The following STAM variants were observed in gnomAD, a reference collection of about 807,000 sequenced individuals.
STAM encodes the protein signal transducing adapter molecule 1.
A neutral mutation model predicts 63.4 loss-of-function variants in STAM; 16 were observed. The ratio of observed to expected loss-of-function variants is 0.25; its 90% CI spans 0.17 to 0.38. The LOEUF (loss-of-function observed/expected upper bound fraction) is 0.38, where lower values mean the gene tolerates loss of function less well. Ranked by LOEUF, STAM falls within the 10% of genes least tolerant of loss-of-function variation. STAM has a pLI of 1.00. For missense variants in STAM, 636 were observed against 657.1 expected (o/e 0.97, Z 0.35); for synonymous variants, 238 against 223.9 (o/e 1.06, Z -0.56).
At chr10:17,675,671 G>C (rs1403696492) in intron 2 of STAM, among the ~76,000 whole-genome samples, 1 of 152,156 alleles carries the variant, frequency 6.6e-6, no homozygotes, top group Non-Finnish European at 1.5e-5. Context: ...ACTTCATGAA[G>C]CAGGGTCAGT....
chr10:17,664,840 G>T (rs112940364), intron 2 of STAM, among the ~76,000 whole-genome samples: 2 of 152,072 alleles, frequency 1.3e-5, no homozygotes, highest in Non-Finnish European at 2.9e-5. Context: ...AAAGTGCGGC[G>T]ATCTTTTTAA....
chr10:17,684,591 C>A, intron 2 of STAM, 84 bp from the exon 3 acceptor site: 1 of 1,010,904 alleles, frequency 9.9e-7, no homozygotes, highest in Non-Finnish European at 1.4e-6. Context: ...CCCTTTTTAT[C>A]GTAGTCTTTT....
At chr10:17,649,880 T>G (rs1833669506) in intron 1 of STAM, among the ~76,000 whole-genome samples, 1 of 152,222 alleles carries the variant, frequency 6.6e-6, no homozygotes, top group Admixed American at 6.5e-5. Flanking sequence ...CCCAAAGTGC[T>G]GGGATTACCG....
intron 1 of STAM, among the ~76,000 whole-genome samples, chr10:17,657,319 T>C (rs1267014983): frequency 2.6e-5 from 4 of 152,184 alleles, no homozygotes; most frequent in Non-Finnish European, 5.9e-5. Flanking sequence ...ACATTCCTAG[T>C]GGGTGTGGGA....
chr10:17,708,612 T>C (rs2131695074), intron 12 of STAM, among the ~76,000 whole-genome samples, 164 bp from the exon 13 acceptor site: 1 of 152,364 alleles, frequency 6.6e-6, no homozygotes, highest in Admixed American at 6.5e-5. Context: ...GCCTATTTCA[T>C]TGAAAAGCGT....
intron 13 of STAM, among the ~76,000 whole-genome samples, chr10:17,713,766 T>C (rs1174109288): frequency 1.3e-5 from 2 of 152,118 alleles, no homozygotes; most frequent in Admixed American, 1.3e-4. Context: ...TGCAGTCAGC[T>C]ATCCTGGTCC....
intron 1 of STAM, among the ~76,000 whole-genome samples, chr10:17,654,445 A>G (rs1318329163): frequency 5.9e-5 from 9 of 152,006 alleles, no homozygotes; most frequent in Admixed American, 2.0e-4. Flanking sequence ...GATGGTCTCT[A>G]TCTCCTGACC....
chr10:17,707,139 G>A (rs111883150), intron 12 of STAM, among the ~76,000 whole-genome samples: 35 of 152,202 alleles, frequency 2.3e-4, no homozygotes, highest in African/African-American at 8.2e-4. Flanking sequence ...GCCGGGTGCG[G>A]TGGCTCATAC....
chr10:17,666,561 AT>A (rs1220417089), intron 2 of STAM, among the ~76,000 whole-genome samples: 4 of 150,454 alleles, frequency 2.7e-5, no homozygotes, highest in Non-Finnish European at 4.4e-5. Context: ...TGCCCAGCTA[AT>A]TTTTTTTTGT....
At chr10:17,664,867 A>G (rs1350427614) in intron 2 of STAM, among the ~76,000 whole-genome samples, 1 of 152,144 alleles carries the variant, frequency 6.6e-6, no homozygotes, top group Non-Finnish European at 1.5e-5. Flanking sequence ...AGATTCAGAG[A>G]TGGTGGAAGG....
intron 2 of STAM, among the ~76,000 whole-genome samples, chr10:17,680,379 A>G (rs12049670): frequency 0.13 from 20,060 of 151,330 alleles, 1,534 homozygotes; most frequent in East Asian, 0.26. Flanking sequence ...CCCCCTGGCA[A>G]CCACCATTCT....
At chr10:17,713,548 C>G (rs1166078899) in intron 13 of STAM, among the ~76,000 whole-genome samples, 1 of 151,442 alleles carries the variant, frequency 6.6e-6, no homozygotes, top group South Asian at 2.1e-4. Context: ...TCATAGTATT[C>G]TGAAAATCAG....
At position 17,663,399 on chromosome 10, in the gene STAM, T is replaced by C. The variant is rs375437972; in HGVS notation, c.125+2851T>C. Among the ~76,000 whole-genome samples the C allele has an allele frequency of 2.8e-4, 43 of 152,272 alleles. No homozygotes were observed. The East Asian group carries it at 7.5e-3, about 27-fold the overall frequency. Reference sequence around the variant, plus strand: ...ACATACTTTCTCTCAGTATATTCCTTAATATTTGAATTGTCAGTTGGGGAT... The same window carrying C: ...ACATACTTTCTCTCAGTATATTCCTCAATATTTGAATTGTCAGTTGGGGAT... On this transcript the variant is annotated intron_variant, in intron 2 of 13. Coordinates refer to ENST00000377524, the MANE Select transcript of STAM (RefSeq NM_003473.4).
chr10:17,654,265 C>G (rs1257716703), intron 1 of STAM, among the ~76,000 whole-genome samples: 3 of 151,980 alleles, frequency 2.0e-5, no homozygotes, highest in Admixed American at 6.6e-5. Context: ...CTCTGTCACC[C>G]AGGCTGGAGT....
chr10:17,686,293 G>C (rs1006939464), intron 4 of STAM, among the ~76,000 whole-genome samples: 7 of 151,786 alleles, frequency 4.6e-5, no homozygotes, highest in Non-Finnish European at 8.8e-5. Context: ...TTCCAAAAAC[G>C]ACTTCCTATA....
chr10:17,665,394 C>T (rs567008809), intron 2 of STAM, among the ~76,000 whole-genome samples: 1 of 152,220 alleles, frequency 6.6e-6, no homozygotes, highest in Admixed American at 6.5e-5. Context: ...TTTCGCTGCT[C>T]TCATCTTCTA....
intron 5 of STAM, among the ~76,000 whole-genome samples, chr10:17,690,842 G>A (rs1248464272): frequency 1.3e-5 from 2 of 152,170 alleles, no homozygotes; most frequent in African/African-American, 4.8e-5. Context: ...TAGCAGCACC[G>A]CTACCGTAGT....
At chr10:17,678,474 G>A (rs571404789) in intron 2 of STAM, among the ~76,000 whole-genome samples, 33 of 152,180 alleles carry the variant, frequency 2.2e-4, no homozygotes, top group Non-Finnish European at 3.7e-4. Flanking sequence ...GGCTGGTCTC[G>A]AACTCCTGAT....
chr10:17,700,991 A>G (rs1037173947), intron 9 of STAM, among the ~76,000 whole-genome samples: 1 of 152,214 alleles, frequency 6.6e-6, no homozygotes, highest in East Asian at 1.9e-4. Context: ...AGCTTACGCT[A>G]ATTTTATATT....
Sources: gnomAD v4.1 joint callset for allele counts (sites outside exome capture counted in the v4.1 genomes callset) on GRCh38, gnomAD v4.1.1 for gene constraint, MANE v1.5 for transcripts, NCBI Gene and HGNC (gene_info 2026-07-23, HGNC 2026-07-21) for gene names.